Variants in ABCC4 observed in about 807,000 individuals in gnomAD.
The protein encoded by ABCC4 is ATP binding cassette subfamily C member 4 (PEL blood group).
In ABCC4, 102 loss-of-function variants were observed where a neutral mutation model predicts 168.5. That is an observed-to-expected ratio of 0.61 (90% confidence interval 0.52 to 0.71). The LOEUF (loss-of-function observed/expected upper bound fraction) is 0.71, where lower values mean the gene tolerates loss of function less well. Ranked by LOEUF, ABCC4 falls within the 30% of genes least tolerant of loss-of-function variation. The pLI is 0.00. For missense variants in ABCC4, 1,402 were observed against 1,605.8 expected, an observed-to-expected ratio of 0.87 and a Z score of 2.17; for synonymous variants, 617 against 590.7, an observed-to-expected ratio of 1.04 and a Z score of -0.65.
At chr13:95,178,638 G>A (rs2037790564) in intron 11 of ABCC4, among the ~76,000 whole-genome samples, 2 of 152,194 alleles carry the variant, frequency 1.3e-5, no homozygotes. Context: ...CAAAACCCAT[G>A]GGGTGATACG....
intron 1 of ABCC4, among the ~76,000 whole-genome samples, chr13:95,296,639 ATTT>A (rs2041542813): frequency 6.6e-6 from 1 of 152,114 alleles, no homozygotes; most frequent in Non-Finnish European, 1.5e-5. Flanking sequence ...CAATGCCCAT[ATTT>A]AGGGAAAAGT....
chr13:95,064,080 C>A (rs1410073311), intron 25 of ABCC4, among the ~76,000 whole-genome samples: 1 of 151,870 alleles, frequency 6.6e-6, no homozygotes, highest in Admixed American at 6.6e-5. Flanking sequence ...GGCATTTCCA[C>A]AAGGAATTTT....
At chr13:95,129,441 G>A (rs181987520) in intron 19 of ABCC4, among the ~76,000 whole-genome samples, 130 of 152,284 alleles carry the variant, frequency 8.5e-4, no homozygotes, top group African/African-American at 2.6e-3. Context: ...CAGATGGACT[G>A]CAAATATAAT....
intron 9 of ABCC4, among the ~76,000 whole-genome samples, chr13:95,194,589 G>A (rs138059552): frequency 0.011 from 1,736 of 152,286 alleles, 22 homozygotes; most frequent in Middle Eastern, 0.02. Flanking sequence ...AGTTTAGAAC[G>A]AGGTAACACT....
At chr13:95,292,007 C>T (rs1258130580) in intron 1 of ABCC4, among the ~76,000 whole-genome samples, 1 of 152,060 alleles carries the variant, frequency 6.6e-6, no homozygotes, top group African/African-American at 2.4e-5. Context: ...CAATTGAATG[C>T]CTATTCAACA....
chr13:95,138,235 A>C (rs1341379551), intron 19 of ABCC4, among the ~76,000 whole-genome samples: 2 of 152,232 alleles, frequency 1.3e-5, no homozygotes, highest in Non-Finnish European at 2.9e-5. Flanking sequence ...TATTTATAAG[A>C]AAATAAACCC....
intron 29 of ABCC4, among the ~76,000 whole-genome samples, chr13:95,035,413 T>C (rs1347752375): frequency 1.3e-5 from 2 of 152,182 alleles, no homozygotes; most frequent in African/African-American, 4.8e-5. Flanking sequence ...TTTAGCATAA[T>C]TGCTCTCTGC....
At chr13:95,095,118 A>G (rs1343329036) in intron 20 of ABCC4, among the ~76,000 whole-genome samples, 1 of 152,224 alleles carries the variant, frequency 6.6e-6, no homozygotes, top group East Asian at 1.9e-4. Context: ...TAGATCTACC[A>G]TTTGATCCAG....
intron 4 of ABCC4, among the ~76,000 whole-genome samples, chr13:95,222,232 A>G (rs2039328834): frequency 6.6e-6 from 1 of 152,018 alleles, no homozygotes; most frequent in Non-Finnish European, 1.5e-5. Flanking sequence ...GGGCTATTCA[A>G]CTAGCAGAGA....
At chr13:95,081,276 A>C (rs1344363248) in intron 21 of ABCC4, among the ~76,000 whole-genome samples, 1 of 151,692 alleles carries the variant, frequency 6.6e-6, no homozygotes, top group East Asian at 1.9e-4. Context: ...TTTTCTCCAC[A>C]TCCACATGGA....
At chr13:95,131,684 T>G (rs1163231564) in intron 19 of ABCC4, among the ~76,000 whole-genome samples, 1 of 151,932 alleles carries the variant, frequency 6.6e-6, no homozygotes, top group African/African-American at 2.4e-5. Context: ...GACCTGGCAC[T>G]CCCCACAATT....
intron 30 of ABCC4, among the ~76,000 whole-genome samples, chr13:95,025,385 TCCCACCCC>T (rs2031458002): frequency 2.6e-4 from 1 of 3,898 alleles, no homozygotes; most frequent in Admixed American, 4.3e-3. Flanking sequence ...ACACACACCC[TCCCACCCC>T]CACACACATA....
chr13:95,132,871 C>T (rs2036017756), intron 19 of ABCC4, among the ~76,000 whole-genome samples: 1 of 151,948 alleles, frequency 6.6e-6, no homozygotes, highest in Non-Finnish European at 1.5e-5. Context: ...AACAGTCAAA[C>T]TCAGAGACAG....
At chr13:95,126,732 T>TATATATATATATTCCAAA (rs1555316765) in intron 19 of ABCC4, among the ~76,000 whole-genome samples, 16 of 80,756 alleles carry the variant, frequency 2.0e-4, no homozygotes, top group African/African-American at 9.0e-4. Context: ...TATATATATA[T>TATATATATATATTCCAAA]ATATATATAT....
intron 19 of ABCC4, among the ~76,000 whole-genome samples, chr13:95,122,141 T>G (rs1334552923): frequency 6.6e-6 from 1 of 152,234 alleles, no homozygotes; most frequent in African/African-American, 2.4e-5. Flanking sequence ...AGGATAAATC[T>G]GTTGACCATT....
intron 19 of ABCC4, among the ~76,000 whole-genome samples, chr13:95,137,137 G>A (rs768585489): frequency 5.3e-5 from 8 of 152,196 alleles, no homozygotes; most frequent in Non-Finnish European, 8.8e-5. Flanking sequence ...AGCCAGAAGA[G>A]AAGATCTGCA....
At chr13:95,172,449 T>G (rs1319754583) in intron 13 of ABCC4, among the ~76,000 whole-genome samples, 1 of 151,768 alleles carries the variant, frequency 6.6e-6, no homozygotes, top group Non-Finnish European at 1.5e-5. Flanking sequence ...CCCATGCCTG[T>G]AATCCCAGCT....
intron 8 of ABCC4, among the ~76,000 whole-genome samples, chr13:95,201,596 T>G (rs926495253): frequency 1.8e-4 from 28 of 152,162 alleles, no homozygotes; most frequent in African/African-American, 6.8e-4. Flanking sequence ...GAAAGAAATC[T>G]ATAAACAAAT....
intron 19 of ABCC4, among the ~76,000 whole-genome samples, chr13:95,122,110 G>C (rs914949526): frequency 1.3e-5 from 2 of 152,150 alleles, no homozygotes; most frequent in African/African-American, 2.4e-5. Flanking sequence ...AATATCCTTT[G>C]CTTCATCTTA....
Sources: gnomAD v4.1 joint callset for allele counts (sites outside exome capture counted in the v4.1 genomes callset) on GRCh38, gnomAD v4.1.1 for gene constraint, MANE v1.5 for transcripts, NCBI Gene and HGNC (gene_info 2026-07-23, HGNC 2026-07-21) for gene names.